Variants in KIAA0930 observed in about 807,000 individuals in gnomAD.
KIAA0930 encodes uncharacterized protein KIAA0930.
In KIAA0930, 24 loss-of-function variants were observed where a neutral mutation model predicts 43.9. That is an observed-to-expected ratio of 0.55 (90% CI 0.40 to 0.77). KIAA0930 has a LOEUF of 0.77. Ranked by LOEUF, KIAA0930 falls within the 30% of genes least tolerant of loss-of-function variation. The pLI is 0.00. For synonymous variants in KIAA0930, 259 were observed against 216.4 expected (o/e 1.20, Z -1.73); for missense variants, 461 against 574.2 (o/e 0.80, Z 2.02).
intron 8 of KIAA0930, chr22:45,198,183 A>AC: frequency 1.8e-6 from 1 of 551,472 alleles, no homozygotes; most frequent in South Asian, 2.4e-5. Flanking sequence ...GACTTTGGCC[A>AC]CCCCCCTCAT....
Position 45,194,704 on chromosome 22 carries a change from GC to G in KIAA0930, c.*2471del, listed in dbSNP as rs1332113419. On this transcript the variant is annotated 3_prime_UTR_variant, in exon 10 of 10. Transcript: ENST00000336156. ...CACCTTACTGTCTGGTTCTCAAGTG[GC>G]TAAGTGGCTCTGAGCAAGTTTTAAA... 4 of 152,190 alleles carry G rather than the reference GC, an allele frequency of 2.6e-5. No individual in the cohort carries two copies. Among genetic ancestry groups the G allele is most frequent in the Non-Finnish European group, 4.4e-5 (3 of 68,048 alleles). The allele number at this position is 152,190 out of a possible 1,614,324, so 9.4% of individuals were successfully genotyped here. A position where few individuals can be genotyped will look rare whatever the true frequency, so the allele number is the denominator to read the frequency against.
intron 1 of KIAA0930, chr22:45,212,399 G>T (rs975746024): frequency 1.9e-6 from 3 of 1,568,294 alleles, no homozygotes; most frequent in East Asian, 2.3e-5. Flanking sequence ...CAGCAGCTTC[G>T]GAGGAAAAGG....
At chr22:45,209,197 C>G (rs1355398337) in intron 2 of KIAA0930, among the ~76,000 whole-genome samples, 1 of 152,206 alleles carries the variant, frequency 6.6e-6, no homozygotes, top group Non-Finnish European at 1.5e-5. Flanking sequence ...GCTATGGCAA[C>G]CGGGTACCAG....
Position 45,196,919 on chromosome 22 carries a change from G to A in KIAA0930, c.*257C>T, listed in dbSNP as rs2083541372. 2 of 463,944 alleles carry A rather than the reference G, an allele frequency of 4.3e-6. No individual in the cohort carries two copies. Among genetic ancestry groups the A allele is most frequent in the Non-Finnish European group, 7.6e-6 (2 of 262,410 alleles). The allele number at this position is 463,944 out of a possible 1,614,324, so 28.7% of individuals were successfully genotyped here. A position where few individuals can be genotyped will look rare whatever the true frequency, so the allele number is the denominator to read the frequency against. ...TCTCTAGTCCTCTTTGGGTGCAGAG[G>A]GCTCTCCAGAGATGGGTGGGGGGCG... On this transcript the variant is annotated 3_prime_UTR_variant, in exon 10 of 10. Coordinates refer to ENST00000336156, the MANE Select transcript of KIAA0930 (RefSeq NM_001009880.2). The surrounding 1 kb of genome is among the most constrained non-coding windows in gnomAD (Gnocchi z 4.1).
chr22:45,197,708 G>T, intron 9 of KIAA0930, 82 bp downstream of exon 9: 2 of 1,470,588 alleles, frequency 1.4e-6, no homozygotes, highest in Non-Finnish European at 1.9e-6. Context: ...GATGACTCCG[G>T]GTGGCTCACA....
At chr22:45,198,095 T>C in intron 8 of KIAA0930, 147 bp from the exon 9 acceptor site, 1 of 709,680 alleles carries the variant, frequency 1.4e-6, no homozygotes, top group Non-Finnish European at 2.3e-6. Flanking sequence ...ACCCACACGC[T>C]CCAGAGCTGC....
At chr22:45,211,705 C>T (rs1036001488) in intron 2 of KIAA0930, among the ~76,000 whole-genome samples, 9 of 152,226 alleles carry the variant, frequency 5.9e-5, no homozygotes, top group East Asian at 1.9e-4. Flanking sequence ...AAAGCTACGA[C>T]GGTGACGGCA....
chr22:45,227,054 T>A (rs2083806272), intron 1 of KIAA0930, among the ~76,000 whole-genome samples: 1 of 152,222 alleles, frequency 6.6e-6, no homozygotes, highest in African/African-American at 2.4e-5. Flanking sequence ...CTCCACTCCC[T>A]GCCCGGGCCC....
chr22:45,229,716 AC>A (rs2083840049), intron 1 of KIAA0930, among the ~76,000 whole-genome samples: 1 of 152,230 alleles, frequency 6.6e-6, no homozygotes, highest in Non-Finnish European at 1.5e-5. Flanking sequence ...AACAAGTCTT[AC>A]GGCTGGGGCT....
chr22:45,205,960 TCTTC>T (rs749461618), intron 2 of KIAA0930, 48 bp from the exon 3 acceptor site: 1 of 1,602,398 alleles, frequency 6.2e-7, no homozygotes, highest in Non-Finnish European at 8.5e-7. Context: ...ACTGTGGTGC[TCTTC>T]TTCTTCCCTG....
intron 1 of KIAA0930, among the ~76,000 whole-genome samples, chr22:45,216,945 A>C (rs1467070290): frequency 6.6e-6 from 1 of 152,186 alleles, no homozygotes; most frequent in Non-Finnish European, 1.5e-5. Context: ...AGCCGTGAAC[A>C]CTGAATTAGT....
Position 45,196,952 on chromosome 22 carries a change from G to A in KIAA0930, c.*224C>T, listed in dbSNP as rs150073237. 3 of 506,022 alleles carry A rather than the reference G, an allele frequency of 5.9e-6. No individual in the cohort carries two copies. Among genetic ancestry groups the A allele is most frequent in the African/African-American group, 4.0e-5 (2 of 49,576 alleles). The allele number at this position is 506,022 out of a possible 1,614,324, so 31.3% of individuals were successfully genotyped here. ...AGAGATGGGTGGGGGGCGATGGGCGGGGGGCACAGGGCGGAGCAGCGCCAG... is the reference window on the plus strand; with the variant it reads ...AGAGATGGGTGGGGGGCGATGGGCGAGGGGCACAGGGCGGAGCAGCGCCAG... On this transcript the variant is annotated 3_prime_UTR_variant, in exon 10 of 10. Coordinates refer to ENST00000336156, the MANE Select transcript of KIAA0930 (RefSeq NM_001009880.2). The surrounding 1 kb of genome is among the most constrained non-coding windows in gnomAD (Gnocchi z 4.1).
intron 3 of KIAA0930, 23 bp downstream of exon 3, chr22:45,205,770 G>GCGGCCCC: frequency 2.6e-6 from 4 of 1,523,768 alleles, no homozygotes; most frequent in Non-Finnish European, 2.7e-6. Context: ...CCAATCCGCA[G>GCGGCCCC]CCCCACCCAT....
intron 1 of KIAA0930, among the ~76,000 whole-genome samples, chr22:45,219,938 A>C (rs2083757739): frequency 6.6e-6 from 1 of 152,146 alleles, no homozygotes. Context: ...CAGGAAACAG[A>C]CAGCTAGCTT....
chr22:45,199,804 G>A, intron 8 of KIAA0930, 69 bp downstream of exon 8: 2 of 1,331,354 alleles, frequency 1.5e-6, no homozygotes, highest in Non-Finnish European at 2.0e-6. Flanking sequence ...ATAAATGAAT[G>A]AATGACTGGT....
chr22:45,233,147 G>A (rs1252247914), intron 1 of KIAA0930, among the ~76,000 whole-genome samples: 1 of 152,018 alleles, frequency 6.6e-6, no homozygotes, highest in East Asian at 1.9e-4. Context: ...ACAGCCCAGT[G>A]GCCACCAACT....
intron 1 of KIAA0930, chr22:45,226,902 T>C (rs2083805188): frequency 6.5e-6 from 1 of 153,912 alleles, no homozygotes; most frequent in Non-Finnish European, 1.4e-5. Context: ...CCCGCCTCCA[T>C]GCCAGCATGC....
intron 1 of KIAA0930, among the ~76,000 whole-genome samples, chr22:45,238,995 C>T (rs2147770924): frequency 6.6e-6 from 1 of 152,296 alleles, no homozygotes; most frequent in South Asian, 2.1e-4. Context: ...ATGAGTAAAG[C>T]ACCCGGCACA....
rs533691548 is a variant in KIAA0930, at chr22:45,192,649, C to G, written c.*4527G>C. On this transcript the variant is annotated 3_prime_UTR_variant, in exon 10 of 10. Coordinates refer to ENST00000336156, the MANE Select transcript of KIAA0930 (RefSeq NM_001009880.2). ...AGGGCGGGGAAGAAAGCGAGCGTGT[C>G]GCGGGCTCTGTGGGGTTGCAGGGTC... is the stretch of plus-strand genomic sequence containing the variant. The G allele has an allele frequency of 6.6e-6, 1 of 152,342 alleles. No individual in the cohort carries two copies. The highest frequency in any genetic ancestry group is 6.5e-5 in the Admixed American group (1 of 15,308). 9.4% of individuals were successfully genotyped at this position (152,342 alleles called of 1,614,324 possible). A position where few individuals can be genotyped will look rare whatever the true frequency, so the allele number is the denominator to read the frequency against.
Sources: allele counts gnomAD v4.1 joint callset (sites outside exome capture counted in the v4.1 genomes callset), GRCh38; gene constraint gnomAD v4.1.1; non-coding constraint Gnocchi (gnomAD v3.1); transcripts MANE v1.5; gene names NCBI Gene and HGNC (gene_info 2026-07-23, HGNC 2026-07-21).